HMCN2: variants seen among roughly 807,000 people sequenced by gnomAD.
HMCN2 encodes the protein hemicentin 2, also known as hemicentin-2.
Under a neutral mutation model 377.5 loss-of-function variants are expected in HMCN2, and 325 were observed. The ratio of observed to expected loss-of-function variants is 0.86; its 90% CI spans 0.79 to 0.94. HMCN2 has a LOEUF of 0.94. Ranked by LOEUF, HMCN2 falls within the 40% of genes least tolerant of loss-of-function variation. The probability of loss-of-function intolerance (pLI) is 0.00; values close to 1 mark genes in which losing one functional copy is unlikely to be tolerated. For missense variants in HMCN2, 4,543 were observed against 4,725.3 expected (o/e 0.96, Z 1.13); for synonymous variants, 2,007 against 2,046.8 (o/e 0.98, Z 0.53).
intron 33 of HMCN2, 99 bp from the exon 34 acceptor site, chr9:130,355,989 G>A: frequency 2.1e-6 from 2 of 935,268 alleles, no homozygotes; most frequent in Non-Finnish European, 1.4e-6. Context: ...CACGGCTGGT[G>A]AGAGCAGGTG....
At position 130,305,922 on chromosome 9, in the gene HMCN2, T is replaced by C. The variant is rs7849091; in HGVS notation, c.1817-207T>C. 5.5e-3 allele frequency among the ~76,000 whole-genome samples: 830 copies of C among 152,254 alleles called. 7 individuals are homozygous for C. Among genetic ancestry groups the C allele is most frequent in the African/African-American group, 0.019 (787 of 41,546 alleles). On this transcript the variant is annotated intron_variant, in intron 11 of 97. Transcript: ENST00000683500. ...GGGATTGTTGGAAAATCAGCCTCCA[T>C]GTTGCCTGGGGATGTGCTCAGGGGC... is the stretch of plus-strand genomic sequence containing the variant.
rs564446735 is a variant in HMCN2 at position 130,430,489 on chromosome 9, C to G, written c.14532C>G (p.Ile4844Met). Residue 4844 changes from isoleucine to methionine, a missense_variant, in exon 95 of 98, where the codon ATC becomes ATG. This residue lies in a region of HMCN2 where 1,155 missense variants were observed against 1,157.7 expected (regional missense o/e 1.00). Coordinates refer to ENST00000683500, the MANE Select transcript of HMCN2 (RefSeq NM_001291815.2). ...CCTGGCTGCGGCCCTGGGCCTCGAT[C>G]CCCGGTACCTCCTACCACGCCTGGG... ...LLPWLRPWAS[I>M]PGTSYHAWVS... 4.2e-4 allele frequency: 654 copies of G among 1,550,514 alleles called. 1 individual carries two copies. The highest frequency in any genetic ancestry group is 5.3e-4 in the Non-Finnish European group (604 of 1,146,880).
At chr9:130,321,437 G>C (rs1220356157) in intron 18 of HMCN2, among the ~76,000 whole-genome samples, 2 of 152,032 alleles carry the variant, frequency 1.3e-5, no homozygotes, top group African/African-American at 4.8e-5. Flanking sequence ...GACACACCAG[G>C]TCCCTGTGTC....
chr9:130,336,134 A>G (rs961827710), intron 22 of HMCN2, among the ~76,000 whole-genome samples: 1 of 152,158 alleles, frequency 6.6e-6, no homozygotes, highest in East Asian at 1.9e-4. Flanking sequence ...GAAAGAAGGA[A>G]GGAGAAAGGA....
intron 15 of HMCN2, among the ~76,000 whole-genome samples, chr9:130,316,847 A>G (rs945820987): frequency 0.78 from 118,646 of 152,138 alleles, 46,810 homozygotes; most frequent in Non-Finnish European, 0.84. Flanking sequence ...TGGGCTGGGA[A>G]TCCGGCCTCT....
intron 83 of HMCN2, among the ~76,000 whole-genome samples, chr9:130,408,187 G>T (rs6597657): frequency 0.018 from 2,804 of 152,212 alleles, 105 homozygotes; most frequent in African/African-American, 0.064. Context: ...TGGATGGGGG[G>T]AATGAACAGC....
intron 25 of HMCN2, among the ~76,000 whole-genome samples, chr9:130,343,573 C>T (rs1839181654): frequency 6.6e-6 from 1 of 152,180 alleles, no homozygotes; most frequent in Non-Finnish European, 1.5e-5. Context: ...GACTATGGCG[C>T]CACCTTGCGT....
intron 90 of HMCN2, 108 bp downstream of exon 90, chr9:130,426,032 A>C: frequency 8.3e-6 from 7 of 839,832 alleles, no homozygotes; most frequent in Non-Finnish European, 1.1e-5. Context: ...TCCACTGACC[A>C]TGGGCCAGAG....
rs1402176660 is a variant in HMCN2 at position 130,428,508 on chromosome 9, G to A, written c.14197+19G>A. On this transcript the variant is annotated intron_variant, in intron 93 of 97. Transcript: ENST00000683500. This position sits in a 1 kb window ranked among gnomAD's most constrained non-coding sequence, Gnocchi z 5.0. ...TGTGAAGGTGATGGGGGCACAGCAT[G>A]CGGCCTGTCCATACTCCTGGAAACC... is the stretch of plus-strand genomic sequence containing the variant. The A allele has an allele frequency of 1.6e-5, 24 of 1,537,398 alleles. No individual in the cohort carries two copies. The highest frequency in any genetic ancestry group is 2.0e-5 in the Non-Finnish European group (23 of 1,146,788).
At chr9:130,346,302 A>G (rs1280988318) in intron 25 of HMCN2, among the ~76,000 whole-genome samples, 2 of 151,442 alleles carry the variant, frequency 1.3e-5, no homozygotes, top group East Asian at 3.9e-4. Flanking sequence ...CTCACATAGG[A>G]CCCCCTCTGG....
intron 85 of HMCN2, among the ~76,000 whole-genome samples, chr9:130,416,713 C>T (rs1033028651): frequency 1.3e-5 from 2 of 152,116 alleles, no homozygotes; most frequent in Non-Finnish European, 2.9e-5. Context: ...TCACAGTACA[C>T]ATGTGTTCCA....
In HMCN2 at chr9:130,425,797, C is replaced by G; in HGVS notation, c.13752C>G (p.Ile4584Met). ...CGTTCCTACGCTGCAACCACAGCAT[C>G]CAGTACAACGCGGCCCGGGGCCCCC... ...LPSFLRCNHS[I>M]QYNAARGPQP... is the part of the protein sequence containing the mutation. The change falls in exon 90 of 98, where the codon ATC becomes ATG. Residue 4584 changes from isoleucine (I) to methionine (M), a missense_variant. Physicochemically the swap from Ile to Met is conservative, Grantham distance 10. Transcript: ENST00000683500. 6.4e-7 allele frequency: 1 copy of G among 1,550,650 alleles called. No individual in the cohort carries two copies. The highest frequency in any genetic ancestry group is 8.7e-7 in the Non-Finnish European group (1 of 1,146,996).
intron 61 of HMCN2, among the ~76,000 whole-genome samples, chr9:130,387,327 A>G (rs62580987): frequency 7.6e-4 from 116 of 152,268 alleles, no homozygotes; most frequent in Admixed American, 1.3e-3. Flanking sequence ...ACTCTTATTC[A>G]AAAGCCCAGA....
In HMCN2 at chr9:130,403,740, GGAGT is replaced by G. The variant is rs1842962582; in HGVS notation, c.12018_12021del (p.Ser4007ProfsTer46). On this transcript the variant is annotated frameshift_variant and splice_region_variant, in exon 80 of 98. Transcript: ENST00000683500. LOFTEE classifies it high-confidence loss of function. Reference sequence around the variant, plus strand: ...CCCCGATTTTCTTCTTCCTCGTTCAGGAGTGAGTACCCAGGTCCTACCAGGCGGA... The same window carrying G: ...CCCCGATTTTCTTCTTCCTCGTTCAGGAGTACCCAGGTCCTACCAGGCGGA... 7.8e-7 allele frequency: 1 copy of G among 1,289,540 alleles called. No homozygotes were observed. The highest frequency in any genetic ancestry group is 1.5e-5 in the African/African-American group (1 of 65,868). 79.9% of individuals were successfully genotyped at this position (1,289,540 alleles called of 1,614,324 possible).
At chr9:130,333,861 A>G (rs1838568186) in intron 22 of HMCN2, among the ~76,000 whole-genome samples, 1 of 152,210 alleles carries the variant, frequency 6.6e-6, no homozygotes, top group East Asian at 1.9e-4. Flanking sequence ...GGGTCATGAT[A>G]AGGCATCTCT....
intron 39 of HMCN2, 93 bp downstream of exon 39, chr9:130,362,258 A>G: frequency 2.3e-6 from 2 of 875,594 alleles, no homozygotes; most frequent in African/African-American, 3.6e-5. Context: ...AGGGTGAGGG[A>G]GAAGCAGCGA....
At chr9:130,395,677 G>T (rs1286311526) in intron 71 of HMCN2, among the ~76,000 whole-genome samples, 1 of 152,144 alleles carries the variant, frequency 6.6e-6, no homozygotes, top group African/African-American at 2.4e-5. Flanking sequence ...GGGTCAGTTT[G>T]CGGCTGTGGA....
In HMCN2 at chr9:130,383,584, C is replaced by T. The variant is rs1346736014; in HGVS notation, c.8814C>T (p.Phe2938=). ...AGGCGGGCTCCGCTGAGAAGCTCTT[C>T]ACCCTCAGGGTTCAAGGTGAGCTGG... is the stretch of plus-strand genomic sequence containing the variant. ...ENQAGSAEKL[F]TLRVQVPPRI... Residue 2938 remains phenylalanine, a synonymous_variant, in exon 57 of 98, where the codon TTC becomes TTT. Transcript: ENST00000683500. 4 of 985,908 alleles carry T rather than the reference C, an allele frequency of 4.1e-6. No homozygotes were observed. Among genetic ancestry groups the T allele is most frequent in the Admixed American group, 6.1e-5 (1 of 16,274 alleles). 61.1% of individuals were successfully genotyped at this position (985,908 alleles called of 1,614,324 possible). A position where few individuals can be genotyped will look rare whatever the true frequency, so the allele number is the denominator to read the frequency against.
At chr9:130,342,470 G>A (rs1205604944) in intron 25 of HMCN2, 34 bp downstream of exon 25, 1 of 152,250 alleles carries the variant, frequency 6.6e-6, no homozygotes, top group African/African-American at 2.4e-5. Flanking sequence ...CTGGGGAGGT[G>A]GGGTGGGCTG....
Sources: gnomAD v4.1 joint callset for allele counts (sites outside exome capture counted in the v4.1 genomes callset) on GRCh38, gnomAD v4.1.1 for gene constraint, gnomAD v4.1.1 regional missense constraint, Gnocchi (gnomAD v3.1) non-coding constraint, MANE v1.5 for transcripts, NCBI Gene and HGNC (gene_info 2026-07-23, HGNC 2026-07-21) for gene names.